KLHL42: variants seen among roughly 807,000 people sequenced by gnomAD.
KLHL42 encodes kelch like family member 42.
In KLHL42, 27 loss-of-function variants were observed where a neutral mutation model predicts 32.7. The ratio of observed to expected loss-of-function variants is 0.83; its 90% CI spans 0.61 to 1.14. KLHL42 has a LOEUF of 1.14. Ranked by LOEUF, KLHL42 falls within the 50% of genes most tolerant of loss-of-function variation. The pLI is 0.00. For missense variants in KLHL42, 491 were observed against 560.8 expected (o/e 0.88, Z 1.26); for synonymous variants, 267 against 248.2 (o/e 1.08, Z -0.71).
Position 27,780,452 on chromosome 12 carries a change from C to A in KLHL42, c.122C>A (p.Ala41Asp). ...RALYRSGMRE[A>D]LSQEAGGPEV... ...CTCTACCGCTCCGGCATGCGCGAGGCCCTGAGCCAGGAGGCCGGCGGCCCG... is the reference window on the plus strand; with the variant it reads ...CTCTACCGCTCCGGCATGCGCGAGGACCTGAGCCAGGAGGCCGGCGGCCCG... The change falls in exon 1 of 3, where the codon GCC becomes GAC. Residue 41 changes from alanine (A) to aspartate (D), a missense_variant. This residue lies in a region of KLHL42 where 88 missense variants were observed against 89.0 expected (regional missense o/e 0.99). Coordinates refer to ENST00000381271, the MANE Select transcript of KLHL42 (RefSeq NM_020782.2). The surrounding 1 kb of genome is among the most constrained non-coding windows in gnomAD (Gnocchi z 8.8). 6.5e-7 allele frequency: 1 copy of A among 1,546,806 alleles called. No homozygotes were observed. Among genetic ancestry groups the A allele is most frequent in the Non-Finnish European group, 8.7e-7 (1 of 1,147,210 alleles).
rs960619046 is a variant in KLHL42, at chr12:27,802,974, T to C, written c.*4808T>C. ...AAGAATGCCTATGAAATACCCACTA[T>C]AACAGCATTCCTTTTGTGTTTAGAA... On this transcript the variant is annotated 3_prime_UTR_variant, in exon 3 of 3. Coordinates refer to ENST00000381271, the MANE Select transcript of KLHL42 (RefSeq NM_020782.2). 6.6e-6 allele frequency: 1 copy of C among 152,230 alleles called. No individual in the cohort carries two copies. The highest frequency in any genetic ancestry group is 1.5e-5 in the Non-Finnish European group (1 of 68,040). 9.4% of individuals were successfully genotyped at this position (152,230 alleles called of 1,614,324 possible).
intron 2 of KLHL42, chr12:27,797,222 T>G (rs1565484912): frequency 2.2e-6 from 1 of 456,236 alleles, no homozygotes; most frequent in East Asian, 6.9e-5. Context: ...TCTCCTGACT[T>G]GTAACGTTGT....
At chr12:27,784,136 T>G (rs1055563320) in intron 1 of KLHL42, among the ~76,000 whole-genome samples, 1 of 122,912 alleles carries the variant, frequency 8.1e-6, no homozygotes, top group African/African-American at 2.8e-5. Context: ...TTTTTTTGTT[T>G]TTGTTTTTTT....
rs1454187323 is a variant in KLHL42, at chr12:27,798,637, C to T, written c.*471C>T. 2.5e-5 allele frequency: 4 copies of T among 159,696 alleles called. No homozygotes were observed. The highest frequency in any genetic ancestry group is 5.9e-5 in the Admixed American group (1 of 16,916). The allele number at this position is 159,696 out of a possible 1,614,324, so 9.9% of individuals were successfully genotyped here. On this transcript the variant is annotated 3_prime_UTR_variant, in exon 3 of 3. Coordinates refer to ENST00000381271, the MANE Select transcript of KLHL42 (RefSeq NM_020782.2). ...CATATTCATTCTCTCTTCTCCATCA[C>T]CCATACCCACACATACATCTAGTAT...
At position 27,800,403 on chromosome 12, in the gene KLHL42, C is replaced by T. The variant is rs1367888318; in HGVS notation, c.*2237C>T. The T allele has an allele frequency of 1.2e-5, 12 of 983,436 alleles. No individual in the cohort carries two copies. Among genetic ancestry groups the T allele is most frequent in the Non-Finnish European group, 1.4e-5 (12 of 828,792 alleles). The allele number at this position is 983,436 out of a possible 1,614,324, so 60.9% of individuals were successfully genotyped here. ...TTGCATATTATAGCTCTCTTTAAGA[C>T]AGACATCTAAAAAGATTTTGGTTAT... is the stretch of plus-strand genomic sequence containing the variant. On this transcript the variant is annotated 3_prime_UTR_variant, in exon 3 of 3. Transcript: ENST00000381271.
rs1459530104 is a variant in KLHL42, at chr12:27,780,299, C to T, written c.-32C>T. On this transcript the variant is annotated 5_prime_UTR_variant, in exon 1 of 3. Coordinates refer to ENST00000381271, the MANE Select transcript of KLHL42 (RefSeq NM_020782.2). This position sits in a 1 kb window ranked among gnomAD's most constrained non-coding sequence, Gnocchi z 8.8. ...CTGGGAGGCCGGCGCGCAGATCTGG[C>T]GGTGAGCGCTGCCGCCCCGGGGCCC... is the stretch of plus-strand genomic sequence containing the variant. The T allele has an allele frequency of 1.3e-6, 2 of 1,525,510 alleles. No homozygotes were observed. The highest frequency in any genetic ancestry group is 2.1e-5 in the Admixed American group (1 of 48,380). 94.5% of individuals were successfully genotyped at this position (1,525,510 alleles called of 1,614,324 possible).
At position 27,780,470 on chromosome 12, in the gene KLHL42, G is replaced by A. The variant is rs772154475; in HGVS notation, c.140G>A (p.Gly47Asp). ...GMREALSQEA[G>D]GPEVQQLRGL... The stretch of plus-strand genomic sequence containing the variant: ...CGCGAGGCCCTGAGCCAGGAGGCCG[G>A]CGGCCCGGAGGTGCAGCAGCTGCGC... Residue 47 changes from glycine to aspartate, a missense_variant, in exon 1 of 3, where the codon GGC (glycine) becomes GAC (aspartate). Transcript: ENST00000381271. The surrounding 1 kb of genome is among the most constrained non-coding windows in gnomAD (Gnocchi z 8.8). 1.4e-5 allele frequency: 22 copies of A among 1,544,350 alleles called. No individual in the cohort carries two copies. The highest frequency in any genetic ancestry group is 1.8e-5 in the Non-Finnish European group (21 of 1,145,988).
chr12:27,791,260 G>A (rs972701180), intron 1 of KLHL42, among the ~76,000 whole-genome samples: 1 of 152,048 alleles, frequency 6.6e-6, no homozygotes, highest in Non-Finnish European at 1.5e-5. Context: ...TGCCTGTCTC[G>A]ACAGCACCAG....
intron 1 of KLHL42, among the ~76,000 whole-genome samples, chr12:27,782,779 GCATT>G (rs926413047): frequency 4.1e-5 from 6 of 148,052 alleles, no homozygotes; most frequent in African/African-American, 1.5e-4. Context: ...AAAAAAAAAA[GCATT>G]CAAGTAATGC....
chr12:27,794,912 GAAA>G (rs571406816), intron 2 of KLHL42, among the ~76,000 whole-genome samples: 1 of 133,196 alleles, frequency 7.5e-6, no homozygotes, highest in Non-Finnish European at 1.6e-5. Context: ...ACATATAATT[GAAA>G]AAAAAAAAAA....
At chr12:27,792,334 G>A (rs1048574872) in intron 2 of KLHL42, among the ~76,000 whole-genome samples, 2 of 152,126 alleles carry the variant, frequency 1.3e-5, no homozygotes, top group South Asian at 4.2e-4. Flanking sequence ...ATGGAATTTA[G>A]TACCAGAGCA....
Position 27,797,818 on chromosome 12 carries a change from A to C in KLHL42, c.1170A>C (p.Glu390Asp), listed in dbSNP as rs1459349857. The C allele has an allele frequency of 1.3e-6, 1 of 776,978 alleles. No homozygotes were observed. Among genetic ancestry groups the C allele is most frequent in the Non-Finnish European group, 2.4e-6 (1 of 415,128 alleles). 48.1% of individuals were successfully genotyped at this position (776,978 alleles called of 1,614,324 possible). A position where few individuals can be genotyped will look rare whatever the true frequency, so the allele number is the denominator to read the frequency against. Residue 390 changes from glutamate (E) to aspartate (D), a missense_variant, in exon 3 of 3, where the codon GAA (glutamate) becomes GAC (aspartate). By Grantham distance (45) the Glu-to-Asp change is conservative. Coordinates refer to ENST00000381271, the MANE Select transcript of KLHL42 (RefSeq NM_020782.2). ...GCAAGCAGCAGATGGTGTCTGTGGA[A>C]GAGACCATCTACATCGTGGGGGGGT... is the stretch of plus-strand genomic sequence containing the variant. ...HIRKQQMVSV[E>D]ETIYIVGGCL...
rs554047036 is a variant in KLHL42 at position 27,790,924 on chromosome 12, G to A, written c.873-784G>A. Among the ~76,000 whole-genome samples, 5 of 152,304 alleles carry A rather than the reference G, an allele frequency of 3.3e-5. No homozygotes were observed. The East Asian group carries it at 9.7e-4, about 29-fold the overall frequency. Reference sequence around the variant, plus strand: ...AAATTAGCTGAGTATAGCTGAATATGATGATACATACCTGTAGTCCAAGTT... The same window carrying A: ...AAATTAGCTGAGTATAGCTGAATATAATGATACATACCTGTAGTCCAAGTT... On this transcript the variant is annotated intron_variant, in intron 1 of 2. Transcript: ENST00000381271.
At chr12:27,790,477 C>T (rs1180911327) in intron 1 of KLHL42, among the ~76,000 whole-genome samples, 2 of 152,210 alleles carry the variant, frequency 1.3e-5, no homozygotes, top group Non-Finnish European at 2.9e-5. Context: ...GCACACCTCA[C>T]AGCAGACTGA....
chr12:27,796,984 C>T lies in KLHL42; in HGVS notation c.1067-731C>T, dbSNP rs150370984. ...ATGTCAGAGCAACCTTTTATCTAGA[C>T]GTTGATCTTATCTACGCTACAACTG... On this transcript the variant is annotated intron_variant, in intron 2 of 2. Transcript: ENST00000381271. Among the ~76,000 whole-genome samples, 6 of 152,150 alleles carry T rather than the reference C, an allele frequency of 3.9e-5. No homozygotes were observed. In the East Asian group the frequency reaches 9.7e-4, roughly 24 times the overall value.
At chr12:27,794,485 C>A (rs1311151169) in intron 2 of KLHL42, among the ~76,000 whole-genome samples, 1 of 152,074 alleles carries the variant, frequency 6.6e-6, no homozygotes, top group Non-Finnish European at 1.5e-5. Context: ...CTGCAAAGAC[C>A]CCCTTTCTTT....
chr12:27,780,688 C>A lies in KLHL42; in HGVS notation c.358C>A (p.Leu120Met). The A allele has an allele frequency of 6.2e-7, 1 of 1,605,926 alleles. No individual in the cohort carries two copies. The highest frequency in any genetic ancestry group is 8.5e-7 in the Non-Finnish European group (1 of 1,175,072). Residue 120 changes from leucine to methionine, a missense_variant, in exon 1 of 3, where the codon CTG (leucine) becomes ATG (methionine). Physicochemically the swap from Leu to Met is conservative, Grantham distance 15. This residue lies in a region of KLHL42 where 248 missense variants were observed against 329.2 expected (regional missense o/e 0.75). Transcript: ENST00000381271. The surrounding 1 kb of genome is among the most constrained non-coding windows in gnomAD (Gnocchi z 8.8). ...CCTGCAGGTCACGTCCCTGCTGCAGCTGCTGCTGTCCCAGGTGCGGCTCAA... is the reference window on the plus strand; with the variant it reads ...CCTGCAGGTCACGTCCCTGCTGCAGATGCTGCTGTCCCAGGTGCGGCTCAA... ...SFLQVTSLLQLLLSQVRLNNC... is the reference protein window; with the variant it reads ...SFLQVTSLLQMLLSQVRLNNC...
At chr12:27,786,498 C>T (rs141038373) in intron 1 of KLHL42, among the ~76,000 whole-genome samples, 87 of 152,276 alleles carry the variant, frequency 5.7e-4, no homozygotes, top group Non-Finnish European at 1.1e-3. Flanking sequence ...TATGCATGCA[C>T]TGGAAGAAAT....
In KLHL42 at chr12:27,803,033, T is replaced by A. The variant is rs533507505; in HGVS notation, c.*4867T>A. On this transcript the variant is annotated 3_prime_UTR_variant, in exon 3 of 3. Coordinates refer to ENST00000381271, the MANE Select transcript of KLHL42 (RefSeq NM_020782.2). ...GAAAATGTCTTCAAATAAAGTAGTT[T>A]TCAGTCACTTTTTGTTATCTAAGTT... 3.9e-5 allele frequency: 6 copies of A among 152,304 alleles called. No homozygotes were observed. In the South Asian group the frequency reaches 1.2e-3, roughly 32 times the overall value. 9.4% of individuals were successfully genotyped at this position (152,304 alleles called of 1,614,324 possible).
Sources: gnomAD v4.1 joint callset for allele counts (sites outside exome capture counted in the v4.1 genomes callset) on GRCh38, gnomAD v4.1.1 for gene constraint, gnomAD v4.1.1 regional missense constraint, Gnocchi (gnomAD v3.1) non-coding constraint, MANE v1.5 for transcripts, NCBI Gene and HGNC (gene_info 2026-07-23, HGNC 2026-07-21) for gene names.